The following ARHGAP42 variants were observed in gnomAD, a reference collection of about 807,000 sequenced individuals.
The protein encoded by ARHGAP42 is rho GTPase-activating protein 42.
ARHGAP42 carries 63 observed loss-of-function variants against 125.0 expected under a neutral mutation model. The observed-to-expected ratio is 0.50, with a 90% CI of 0.41 to 0.62. ARHGAP42 has a LOEUF of 0.62. Ranked by LOEUF, ARHGAP42 falls within the 20% of genes least tolerant of loss-of-function variation. ARHGAP42 has a pLI of 0.00. For synonymous variants in ARHGAP42, 339 were observed against 351.0 expected, an observed-to-expected ratio of 0.97 and a Z score of 0.38; for missense variants, 766 against 1,024.2, an observed-to-expected ratio of 0.75 and a Z score of 3.44.
rs576626897 is a variant in ARHGAP42 at position 100,974,451 on chromosome 11, A to G, written c.1711-8A>G. 4.7e-5 allele frequency: 73 copies of G among 1,546,904 alleles called. No individual in the cohort carries two copies. The African/African-American group carries it at 8.2e-4, about 17-fold the overall frequency. ...TTATTGACCTTGGTCCATTTTTCTTATACGTAGATTTTTCATACTGCTCCA... is the reference window on the plus strand; with the variant it reads ...TTATTGACCTTGGTCCATTTTTCTTGTACGTAGATTTTTCATACTGCTCCA... On this transcript the variant is annotated splice_region_variant and splice_polypyrimidine_tract_variant and intron_variant, in intron 18 of 23. Coordinates refer to ENST00000298815, the MANE Select transcript of ARHGAP42 (RefSeq NM_152432.4).
chr11:100,806,284 C>T (rs1034478051), intron 3 of ARHGAP42, among the ~76,000 whole-genome samples: 5 of 152,152 alleles, frequency 3.3e-5, no homozygotes, highest in African/African-American at 9.7e-5. Context: ...CCCCATTTCT[C>T]TTGATGAAAG....
intron 1 of ARHGAP42, among the ~76,000 whole-genome samples, chr11:100,691,447 A>T (rs926262329): frequency 6.6e-6 from 1 of 152,218 alleles, no homozygotes; most frequent in African/African-American, 2.4e-5. Context: ...TTGTAATAAT[A>T]CACAGACCCC....
intron 21 of ARHGAP42, among the ~76,000 whole-genome samples, chr11:100,977,179 C>A (rs1368872315): frequency 6.6e-6 from 1 of 152,166 alleles, no homozygotes; most frequent in African/African-American, 2.4e-5. Context: ...TCTCACAGGG[C>A]AGCACTTCAA....
intron 1 of ARHGAP42, among the ~76,000 whole-genome samples, chr11:100,766,255 A>T (rs1158080256): frequency 3.5e-5 from 5 of 142,278 alleles, no homozygotes; most frequent in African/African-American, 5.1e-5. Context: ...TGTGGGGGGC[A>T]TGTGAAGTAT....
At chr11:100,846,718 A>G (rs1201794674) in intron 3 of ARHGAP42, among the ~76,000 whole-genome samples, 3 of 152,118 alleles carry the variant, frequency 2.0e-5, no homozygotes, top group Non-Finnish European at 4.4e-5. Flanking sequence ...TGTGATAGTC[A>G]TATGATCAAT....
chr11:100,776,479 C>T (rs1863123101), intron 2 of ARHGAP42, among the ~76,000 whole-genome samples: 1 of 152,144 alleles, frequency 6.6e-6, no homozygotes, highest in African/African-American at 2.4e-5. Context: ...GTGGTAGTGA[C>T]AGGCAATACA....
intron 1 of ARHGAP42, among the ~76,000 whole-genome samples, chr11:100,766,222 G>GGTGTGTGTGT (rs145892062): frequency 0.054 from 8,011 of 149,228 alleles, 248 homozygotes; most frequent in Non-Finnish European, 0.073. Flanking sequence ...AAGGATGTGG[G>GGTGTGTGTGT]GTGTGTGTGT....
At chr11:100,738,260 A>G (rs1358926868) in intron 1 of ARHGAP42, among the ~76,000 whole-genome samples, 3 of 152,166 alleles carry the variant, frequency 2.0e-5, no homozygotes, top group Admixed American at 6.5e-5. Flanking sequence ...TTCATCTTTA[A>G]TATAGTAACG....
At chr11:100,916,132 C>G (rs1016742505) in intron 5 of ARHGAP42, among the ~76,000 whole-genome samples, 1 of 152,130 alleles carries the variant, frequency 6.6e-6, no homozygotes, top group African/African-American at 2.4e-5. Context: ...AACAAAATCC[C>G]AAGGCCGTCA....
chr11:100,842,062 G>C (rs777431078), intron 3 of ARHGAP42, among the ~76,000 whole-genome samples: 1 of 152,164 alleles, frequency 6.6e-6, no homozygotes, highest in Non-Finnish European at 1.5e-5. Context: ...AGTGGCTAAA[G>C]ATTGAAGTAT....
rs1307703206 is a variant in ARHGAP42, at chr11:100,898,100, A to C, written c.385-15352A>C. ...CTTTTCTGCATCTATGGAGATAATCATGGGGTTTTTGTGTTTGGTTCTGTT... is the reference window on the plus strand; with the variant it reads ...CTTTTCTGCATCTATGGAGATAATCCTGGGGTTTTTGTGTTTGGTTCTGTT... On this transcript the variant is annotated intron_variant, in intron 4 of 23. Transcript: ENST00000298815. Among the ~76,000 whole-genome samples the C allele has an allele frequency of 2.0e-5, 3 of 152,124 alleles. 1 individual carries two copies. The highest frequency in any genetic ancestry group is 7.2e-5 in the African/African-American group (3 of 41,416).
At chr11:100,739,028 C>T (rs1862124319) in intron 1 of ARHGAP42, among the ~76,000 whole-genome samples, 1 of 152,146 alleles carries the variant, frequency 6.6e-6, no homozygotes, top group African/African-American at 2.4e-5. Context: ...AGTTTGAGAT[C>T]TTTTTGAAAA....
intron 3 of ARHGAP42, among the ~76,000 whole-genome samples, chr11:100,802,068 C>T (rs1387826205): frequency 6.6e-6 from 1 of 152,134 alleles, no homozygotes; most frequent in Non-Finnish European, 1.5e-5. Context: ...CTCAGACTAC[C>T]TCTAATACAG....
At chr11:100,983,715 T>C (rs994494549) in intron 22 of ARHGAP42, among the ~76,000 whole-genome samples, 6 of 152,218 alleles carry the variant, frequency 3.9e-5, no homozygotes, top group Non-Finnish European at 8.8e-5. Context: ...CACAAGCAGC[T>C]TTAACTCTAC....
At chr11:100,865,606 C>G (rs1162147884) in intron 4 of ARHGAP42, among the ~76,000 whole-genome samples, 1 of 152,134 alleles carries the variant, frequency 6.6e-6, no homozygotes, top group Non-Finnish European at 1.5e-5. Context: ...GGTTCAGTTC[C>G]AGACCACTGG....
chr11:100,833,988 T>C (rs1310163752), intron 3 of ARHGAP42, among the ~76,000 whole-genome samples: 1 of 152,188 alleles, frequency 6.6e-6, no homozygotes, highest in Non-Finnish European at 1.5e-5. Flanking sequence ...CATACTAAAA[T>C]CTTAGGTTTG....
chr11:100,961,777 G>A lies in ARHGAP42; in HGVS notation c.1385+9G>A. 1.9e-6 allele frequency: 3 copies of A among 1,547,702 alleles called. No individual in the cohort carries two copies. Among genetic ancestry groups the A allele is most frequent in the African/African-American group, 1.4e-5 (1 of 73,024 alleles). Reference sequence around the variant, plus strand: ...CTGAAAAACTACCTCAGGTGAGGAGGGTTTAACTCCTGGTACTCTGGATGT... The same window carrying A: ...CTGAAAAACTACCTCAGGTGAGGAGAGTTTAACTCCTGGTACTCTGGATGT... On this transcript the variant is annotated intron_variant, in intron 15 of 23. Transcript: ENST00000298815.
chr11:100,749,289 G>A (rs1862383174), intron 1 of ARHGAP42, among the ~76,000 whole-genome samples: 1 of 151,054 alleles, frequency 6.6e-6, no homozygotes, highest in Admixed American at 6.6e-5. Flanking sequence ...AACAAGGGAT[G>A]TCTTGCCTTG....
chr11:100,923,148 T>C (rs1486502885), intron 6 of ARHGAP42, among the ~76,000 whole-genome samples: 1 of 152,112 alleles, frequency 6.6e-6, no homozygotes, highest in African/African-American at 2.4e-5. Flanking sequence ...CTACTTATGG[T>C]TCCTGTTCAC....
Sources: allele counts gnomAD v4.1 joint callset (sites outside exome capture counted in the v4.1 genomes callset), GRCh38; gene constraint gnomAD v4.1.1; transcripts MANE v1.5; gene names NCBI Gene and HGNC (gene_info 2026-07-23, HGNC 2026-07-21).